SORCS3: variants seen among roughly 807,000 people sequenced by gnomAD.
SORCS3 encodes the protein sortilin related VPS10 domain containing receptor 3.
In SORCS3, 57 loss-of-function variants were observed where a neutral mutation model predicts 146.3. That is an observed-to-expected ratio of 0.39 (90% CI 0.31 to 0.49). The LOEUF is 0.49. Among genes scored for constraint, SORCS3 ranks in the 20% least tolerant of loss-of-function variants. The probability of loss-of-function intolerance (pLI) is 0.92; values close to 1 mark genes in which losing one functional copy is unlikely to be tolerated. For synonymous variants in SORCS3, 653 were observed against 618.5 expected (o/e 1.06, Z -0.83); for missense variants, 1,341 against 1,575.5 (o/e 0.85, Z 2.52).
At chr10:104,937,513 T>G (rs2019272249) in intron 3 of SORCS3, among the ~76,000 whole-genome samples, 1 of 152,244 alleles carries the variant, frequency 6.6e-6, no homozygotes, top group South Asian at 2.1e-4. Flanking sequence ...TCAAGTCAGT[T>G]TAAGTTCTCT....
intron 4 of SORCS3, among the ~76,000 whole-genome samples, chr10:105,002,303 G>A (rs1358443604): frequency 6.6e-6 from 1 of 152,134 alleles, no homozygotes; most frequent in African/African-American, 2.4e-5. Context: ...GGAGGTGACA[G>A]GTTCATGCAT....
chr10:104,951,010 A>C (rs1433860862), intron 3 of SORCS3, among the ~76,000 whole-genome samples: 2 of 152,208 alleles, frequency 1.3e-5, no homozygotes, highest in African/African-American at 4.8e-5. Flanking sequence ...TCTACAGAGG[A>C]ATAATTATTC....
intron 3 of SORCS3, among the ~76,000 whole-genome samples, chr10:104,937,930 A>G (rs1388318541): frequency 6.6e-6 from 1 of 152,156 alleles, no homozygotes; most frequent in Admixed American, 6.5e-5. Context: ...AGTGGTTTGG[A>G]TGCAGGTGCC....
intron 14 of SORCS3, among the ~76,000 whole-genome samples, chr10:105,180,029 T>C (rs139226420): frequency 6.6e-6 from 1 of 152,216 alleles, no homozygotes; most frequent in South Asian, 2.1e-4. Flanking sequence ...CTCTTATCCA[T>C]TGATTTGGAG....
At chr10:105,200,864 A>G (rs1190067684) in intron 15 of SORCS3, among the ~76,000 whole-genome samples, 1 of 152,170 alleles carries the variant, frequency 6.6e-6, no homozygotes. Context: ...GGTGGAGCAG[A>G]AACGGGATGA....
intron 3 of SORCS3, among the ~76,000 whole-genome samples, chr10:104,916,293 A>G (rs2019026705): frequency 1.3e-5 from 2 of 152,236 alleles, no homozygotes; most frequent in African/African-American, 4.8e-5. Flanking sequence ...TAACAGATCT[A>G]GAATGTAAGC....
At chr10:104,979,066 C>T (rs981403459) in intron 4 of SORCS3, among the ~76,000 whole-genome samples, 24 of 152,154 alleles carry the variant, frequency 1.6e-4, no homozygotes, top group Admixed American at 1.5e-3. Context: ...GGACACCTTC[C>T]GTAAACTCCC....
At chr10:104,839,888 G>A (rs1238067050) in intron 1 of SORCS3, among the ~76,000 whole-genome samples, 2 of 152,206 alleles carry the variant, frequency 1.3e-5, no homozygotes, top group East Asian at 1.9e-4. Flanking sequence ...CGGTGAAGGA[G>A]ATGGGTAAGG....
intron 2 of SORCS3, among the ~76,000 whole-genome samples, chr10:104,871,104 G>A (rs149982697): frequency 7.9e-5 from 12 of 152,282 alleles, no homozygotes; most frequent in African/African-American, 2.6e-4. Flanking sequence ...GAGGAACCAC[G>A]GGATGAAGTC....
At chr10:105,161,099 G>T (rs1327967543) in intron 11 of SORCS3, among the ~76,000 whole-genome samples, 1 of 151,822 alleles carries the variant, frequency 6.6e-6, no homozygotes, top group East Asian at 1.9e-4. Context: ...ATTTATTTTT[G>T]AATTTTTTTG....
At chr10:104,971,115 T>G (rs2133643009) in intron 3 of SORCS3, among the ~76,000 whole-genome samples, 1 of 152,300 alleles carries the variant, frequency 6.6e-6, no homozygotes, top group South Asian at 2.1e-4. Flanking sequence ...GGGGTGCAGC[T>G]TTTGCTAAGA....
intron 3 of SORCS3, among the ~76,000 whole-genome samples, chr10:104,939,976 C>G (rs1209383297): frequency 6.6e-6 from 1 of 151,536 alleles, no homozygotes. Context: ...GGATGTCATG[C>G]AAGAAATAAT....
intron 2 of SORCS3, among the ~76,000 whole-genome samples, chr10:104,870,525 T>G (rs572251818): frequency 6.6e-6 from 1 of 152,148 alleles, no homozygotes; most frequent in East Asian, 1.9e-4. Flanking sequence ...CACCTCAGCA[T>G]GAGGGAAGGT....
At chr10:104,735,456 G>GTTTTGTTTTTTTTTTTTTT (rs2016757495) in intron 1 of SORCS3, among the ~76,000 whole-genome samples, 1 of 34,994 alleles carries the variant, frequency 2.9e-5, no homozygotes, top group African/African-American at 1.2e-4. Context: ...CTCACCGTCT[G>GTTTTGTTTTTTTTTTTTTT]TTTTTTTTTT....
intron 2 of SORCS3, among the ~76,000 whole-genome samples, chr10:104,885,571 T>A (rs1161839237): frequency 6.6e-6 from 1 of 152,156 alleles, no homozygotes; most frequent in Non-Finnish European, 1.5e-5. Context: ...TTGCAGAGTA[T>A]TAATGCTTAG....
intron 2 of SORCS3, among the ~76,000 whole-genome samples, chr10:104,884,378 A>G (rs1282404458): frequency 6.6e-6 from 1 of 152,222 alleles, no homozygotes; most frequent in Non-Finnish European, 1.5e-5. Flanking sequence ...ACATAAAGCA[A>G]TCCAACATCT....
At chr10:105,252,510 T>A (rs2056906560) in intron 22 of SORCS3, among the ~76,000 whole-genome samples, 1 of 152,228 alleles carries the variant, frequency 6.6e-6, no homozygotes, top group South Asian at 2.1e-4. Context: ...CAGCAAATAA[T>A]GTTTTAAAAA....
chr10:105,203,575 A>G (rs992553605), intron 16 of SORCS3, among the ~76,000 whole-genome samples: 1 of 152,200 alleles, frequency 6.6e-6, no homozygotes, highest in Non-Finnish European at 1.5e-5. Context: ...GAGAAGAAAT[A>G]AGAACTGTAA....
Position 105,211,241 on chromosome 10 carries a change from A to T in SORCS3, c.2366A>T (p.Asn789Ile). 1 of 1,613,150 alleles carries T rather than the reference A, an allele frequency of 6.2e-7. No homozygotes were observed. Among genetic ancestry groups the T allele is most frequent in the Non-Finnish European group, 8.5e-7 (1 of 1,179,144 alleles). ...KDCSLGQSYLNSTGYRRIVSN... is the reference protein window; with the variant it reads ...KDCSLGQSYLISTGYRRIVSN... Reference sequence around the variant, plus strand: ...TGCAGCCTTGGTCAAAGCTACCTTAACAGCACTGGGTAAGTAAAACACCTA... The same window carrying T: ...TGCAGCCTTGGTCAAAGCTACCTTATCAGCACTGGGTAAGTAAAACACCTA... The change falls in exon 17 of 27, where the codon AAC becomes ATC. Residue 789 changes from asparagine to isoleucine, a missense_variant. Physicochemically the swap from Asn to Ile is moderately radical, Grantham distance 149. Transcript: ENST00000369701.
Sources: gnomAD v4.1 joint callset for allele counts (sites outside exome capture counted in the v4.1 genomes callset) on GRCh38, gnomAD v4.1.1 for gene constraint, MANE v1.5 for transcripts, NCBI Gene and HGNC (gene_info 2026-07-23, HGNC 2026-07-21) for gene names.